Variants in NRXN3 observed in about 807,000 individuals in gnomAD.
NRXN3 encodes neurexin III.
NRXN3 carries 32 observed loss-of-function variants against 137.6 expected under a neutral mutation model. That is an observed-to-expected ratio of 0.23 (90% CI 0.18 to 0.31). NRXN3 has a LOEUF of 0.31. NRXN3 is among the 10% of genes least tolerant of loss of function. The pLI is 1.00. For missense variants in NRXN3, 1,574 were observed against 2,062.5 expected (o/e 0.76, Z 4.59); for synonymous variants, 798 against 784.5 (o/e 1.02, Z -0.29).
At chr14:78,666,343 G>A (rs913315055) in intron 6 of NRXN3, among the ~76,000 whole-genome samples, 8 of 152,226 alleles carry the variant, frequency 5.3e-5, no homozygotes, top group Admixed American at 1.3e-4. Context: ...GATAAAAAAT[G>A]CCTCTTTCCA....
At chr14:79,065,218 A>G (rs1264128921) in intron 15 of NRXN3, among the ~76,000 whole-genome samples, 1 of 152,098 alleles carries the variant, frequency 6.6e-6, no homozygotes, top group African/African-American at 2.4e-5. Flanking sequence ...TTTGATGTAT[A>G]GGTCCCTGAT....
At chr14:78,920,973 A>G (rs1161563642) in intron 10 of NRXN3, among the ~76,000 whole-genome samples, 1 of 152,158 alleles carries the variant, frequency 6.6e-6, no homozygotes, top group East Asian at 1.9e-4. Context: ...TAAGGTAGAC[A>G]TGATTGATTA....
chr14:79,440,540 A>G (rs2095919106), intron 15 of NRXN3, among the ~76,000 whole-genome samples: 1 of 152,164 alleles, frequency 6.6e-6, no homozygotes, highest in Non-Finnish European at 1.5e-5. Flanking sequence ...TATGTTTACA[A>G]TATCTTTTCT....
chr14:78,487,742 C>CATAAATAA (rs10601165), intron 4 of NRXN3, among the ~76,000 whole-genome samples: 24 of 141,240 alleles, frequency 1.7e-4, no homozygotes, highest in African/African-American at 4.0e-4. Flanking sequence ...AACTCCATCT[C>CATAAATAA]ATAAATAAAT....
At chr14:79,315,304 C>G (rs2088316189) in intron 15 of NRXN3, among the ~76,000 whole-genome samples, 1 of 152,174 alleles carries the variant, frequency 6.6e-6, no homozygotes, top group Non-Finnish European at 1.5e-5. Flanking sequence ...CTCAAGTAAA[C>G]TTTGACAGGT....
intron 4 of NRXN3, among the ~76,000 whole-genome samples, chr14:78,630,787 A>G (rs2097514301): frequency 6.6e-6 from 1 of 151,858 alleles, no homozygotes; most frequent in Admixed American, 6.6e-5. Context: ...CTGTATTTTT[A>G]GTAGAGACGG....
At chr14:78,444,287 T>C (rs1378306753) in intron 4 of NRXN3, among the ~76,000 whole-genome samples, 1 of 152,220 alleles carries the variant, frequency 6.6e-6, no homozygotes, top group African/African-American at 2.4e-5. Flanking sequence ...TCAGTTGCTG[T>C]AGGTTACTTA....
intron 2 of NRXN3, among the ~76,000 whole-genome samples, chr14:78,246,544 GGTT>G (rs1279285991): frequency 6.6e-6 from 1 of 152,162 alleles, no homozygotes; most frequent in Non-Finnish European, 1.5e-5. Context: ...GCAGTGCAAA[GGTT>G]GAGGTGAGAG....
chr14:78,255,137 C>A (rs1372449159), intron 2 of NRXN3, among the ~76,000 whole-genome samples: 1 of 150,938 alleles, frequency 6.6e-6, no homozygotes, highest in Non-Finnish European at 1.5e-5. Context: ...AGCCATCTCC[C>A]CATTGACAGT....
chr14:79,049,239 A>G (rs2099638463), intron 15 of NRXN3, among the ~76,000 whole-genome samples: 1 of 152,038 alleles, frequency 6.6e-6, no homozygotes, highest in South Asian at 2.1e-4. Context: ...CAGCTGCTTC[A>G]TCAACTAACT....
At chr14:79,472,705 G>T (rs1025029748) in intron 16 of NRXN3, among the ~76,000 whole-genome samples, 2 of 152,048 alleles carry the variant, frequency 1.3e-5, no homozygotes, top group African/African-American at 2.4e-5. Context: ...AGCTGCTATC[G>T]CTTGCGAGTG....
chr14:78,318,218 T>C (rs561723506), intron 4 of NRXN3, among the ~76,000 whole-genome samples: 9 of 152,268 alleles, frequency 5.9e-5, no homozygotes, highest in African/African-American at 1.4e-4. Context: ...GGGAAGGCCA[T>C]TGGTATCCTA....
intron 14 of NRXN3, among the ~76,000 whole-genome samples, 169 bp from the exon 15 acceptor site, chr14:78,987,853 A>G (rs1209285707): frequency 6.6e-6 from 1 of 152,108 alleles, no homozygotes; most frequent in African/African-American, 2.4e-5. Context: ...CATCTTTTGT[A>G]TATACTGAGT....
rs183044287 is a variant in NRXN3 at position 79,213,500 on chromosome 14, G to T, written c.3262+225359G>T. 2.7e-4 allele frequency among the ~76,000 whole-genome samples: 41 copies of T among 151,770 alleles called. 1 individual carries two copies. Among genetic ancestry groups the T allele is most frequent in the Admixed American group, 2.5e-3 (38 of 15,230 alleles). Reference sequence around the variant, plus strand: ...ACATTGTATCACAAATTACTTCAAAGAAACAATTAAAAGAACAAGGAAGAA... The same window carrying T: ...ACATTGTATCACAAATTACTTCAAATAAACAATTAAAAGAACAAGGAAGAA... On this transcript the variant is annotated intron_variant, in intron 15 of 20. Transcript: ENST00000335750.
At position 78,633,251 on chromosome 14, in the gene NRXN3, C is replaced by CAAAAAAAAAAAA. The variant is rs779442429; in HGVS notation, c.758-11863_758-11852dup. ...CCTGGGCTACAGAGCGAGACTCTGTCAAAAAAAAAAAAAAAAAGAGACTGG... is the reference window on the plus strand; with the variant it reads ...CCTGGGCTACAGAGCGAGACTCTGTCAAAAAAAAAAAAAAAAAAAAAAAAAAAAAGAGACTGG... On this transcript the variant is annotated intron_variant, in intron 4 of 20. Transcript: ENST00000335750. 9.0e-4 allele frequency among the ~76,000 whole-genome samples: 61 copies of CAAAAAAAAAAAA among 67,998 alleles called. 2 individuals are homozygous for CAAAAAAAAAAAA. Among genetic ancestry groups the CAAAAAAAAAAAA allele is most frequent in the Middle Eastern group, 0.016 (2 of 124 alleles). The allele number at this position is 67,998 out of a possible 152,430, so 44.6% of individuals were successfully genotyped here.
At chr14:78,465,606 C>T (rs777658006) in intron 4 of NRXN3, among the ~76,000 whole-genome samples, 1 of 152,038 alleles carries the variant, frequency 6.6e-6, no homozygotes, top group African/African-American at 2.4e-5. Context: ...GGCGCGATCT[C>T]GGCTCGCTGC....
intron 4 of NRXN3, among the ~76,000 whole-genome samples, chr14:78,347,990 C>T (rs2082970817): frequency 6.6e-6 from 1 of 152,118 alleles, no homozygotes; most frequent in South Asian, 2.1e-4. Context: ...CCTCATTTAG[C>T]TCATAAGTAT....
intron 17 of NRXN3, among the ~76,000 whole-genome samples, chr14:79,671,288 A>G (rs998788952): frequency 3.9e-5 from 6 of 152,118 alleles, no homozygotes; most frequent in Admixed American, 2.0e-4. Context: ...CCTTCCTTAG[A>G]TTCTCGTAAA....
At chr14:78,422,691 G>A (rs1290476322) in intron 4 of NRXN3, among the ~76,000 whole-genome samples, 1 of 152,220 alleles carries the variant, frequency 6.6e-6, no homozygotes, top group East Asian at 1.9e-4. Context: ...AATGCTAGAG[G>A]CACTAAGACT....
Sources: gnomAD v4.1 joint callset for allele counts (sites outside exome capture counted in the v4.1 genomes callset) on GRCh38, gnomAD v4.1.1 for gene constraint, MANE v1.5 for transcripts, NCBI Gene and HGNC (gene_info 2026-07-23, HGNC 2026-07-21) for gene names.